Variants in SPATA7 observed in about 807,000 individuals in gnomAD.
SPATA7 encodes the protein spermatogenesis-associated protein 7.
A neutral mutation model predicts 51.8 loss-of-function variants in SPATA7; 43 were observed. The ratio of observed to expected loss-of-function variants is 0.83; its 90% confidence interval spans 0.65 to 1.07. The LOEUF is 1.07. Ranked by LOEUF, SPATA7 falls within the 50% of genes least tolerant of loss-of-function variation. The probability of loss-of-function intolerance (pLI) is 0.00; values close to 1 mark genes in which losing one functional copy is unlikely to be tolerated. For synonymous variants in SPATA7, 230 were observed against 252.8 expected, an observed-to-expected ratio of 0.91 and a Z score of 0.86; for missense variants, 683 against 701.3, an observed-to-expected ratio of 0.97 and a Z score of 0.30.
At chr14:88,416,938 C>A in intron 5 of SPATA7, 94 bp downstream of exon 5, 2 of 1,058,216 alleles carry the variant, frequency 1.9e-6, no homozygotes, top group Non-Finnish European at 2.8e-6. Context: ...TTAGGGTCAG[C>A]AAATTTTTCC....
intron 4 of SPATA7, among the ~76,000 whole-genome samples, chr14:88,413,915 GT>G (rs2139951179): frequency 6.6e-6 from 1 of 152,086 alleles, no homozygotes; most frequent in Non-Finnish European, 1.5e-5. Context: ...CTTGACTGTG[GT>G]TTATTAACTT....
chr14:88,452,553 A>G (rs1181293874), intron 3 of SPATA7, among the ~76,000 whole-genome samples: 1 of 152,044 alleles, frequency 6.6e-6, no homozygotes, highest in South Asian at 2.1e-4. Flanking sequence ...GCAGCAATCC[A>G]TCTCCTTCTG....
Position 88,447,802 on chromosome 14 carries a change from G to A in SPATA7, c.178-7258G>A, listed in dbSNP as rs564224825. 3.0e-3 allele frequency among the ~76,000 whole-genome samples: 455 copies of A among 152,216 alleles called. 3 individuals carry two copies. The highest frequency in any genetic ancestry group is 0.011 in the African/African-American group (436 of 41,518). The stretch of plus-strand genomic sequence containing the variant: ...GAAAATTCTTTTCTTTAAGAATGTC[G>A]AATATTGGCCCCCACTCTCTTCTGG... On this transcript the variant is annotated intron_variant, in intron 3 of 3. Coordinates refer to the SPATA7 transcript ENST00000554802.
At chr14:88,460,908 T>C (rs572454183) in intron 4 of SPATA7, among the ~76,000 whole-genome samples, 2 of 152,342 alleles carry the variant, frequency 1.3e-5, no homozygotes, top group African/African-American at 4.8e-5. Flanking sequence ...CCTTTCTGTT[T>C]GTTAGTTTTC....
intron 3 of SPATA7, among the ~76,000 whole-genome samples, chr14:88,453,339 C>T (rs1009530877): frequency 6.6e-6 from 1 of 152,178 alleles, no homozygotes; most frequent in African/African-American, 2.4e-5. Context: ...TGCTAAGCTA[C>T]ATGAAAATGT....
rs1399393635 is a variant in SPATA7 at position 88,464,098 on chromosome 14, C to CA, written c.255-5746dup. On this transcript the variant is annotated intron_variant, in intron 4 of 4. Transcript: ENST00000556406. ...TCGTGATCCACCCGCCTCGGCCTCC[C>CA]AAAGTGCTGGGATTTACAGGGGTGA... Among the ~76,000 whole-genome samples, 8 of 152,072 alleles carry CA rather than the reference C, an allele frequency of 5.3e-5. No homozygotes were observed. In the East Asian group the frequency reaches 1.6e-3, roughly 30 times the overall value.
chr14:88,411,043 C>T (rs1342611204), intron 4 of SPATA7, among the ~76,000 whole-genome samples: 1 of 152,212 alleles, frequency 6.6e-6, no homozygotes, highest in Admixed American at 6.5e-5. Context: ...AGGGAGGCTG[C>T]TGCCTTTCTT....
At chr14:88,423,509 TCAGGC>T (rs1325370254) in intron 5 of SPATA7, among the ~76,000 whole-genome samples, 1 of 150,876 alleles carries the variant, frequency 6.6e-6, no homozygotes, top group African/African-American at 2.4e-5. Context: ...TGAGCCATGA[TCAGGC>T]CACTGCACTC....
rs112807605 is a variant in SPATA7, at chr14:88,468,032, C to T, written c.255-1815C>T. ...CTGCGCCACTTACGTCCCAGTGCCA[C>T]GCTGCGTGGATCAAGTGTCAACGGG... On this transcript the variant is annotated intron_variant, in intron 4 of 4. Coordinates refer to the SPATA7 transcript ENST00000556406. 27 of 1,411,292 alleles carry T rather than the reference C, an allele frequency of 1.9e-5. No homozygotes were observed. In the East Asian group the frequency reaches 2.7e-4, roughly 14 times the overall value. The allele number at this position is 1,411,292 out of a possible 1,614,324, so 87.4% of individuals were successfully genotyped here. A position where few individuals can be genotyped will look rare whatever the true frequency, so the allele number is the denominator to read the frequency against.
chr14:88,407,814 T>C (rs962312571), intron 4 of SPATA7, among the ~76,000 whole-genome samples: 15 of 152,144 alleles, frequency 9.9e-5, no homozygotes, highest in Admixed American at 7.2e-4. Flanking sequence ...CCAGTTTCAG[T>C]TTTCTGCATA....
intron 3 of SPATA7, among the ~76,000 whole-genome samples, chr14:88,449,091 C>G (rs1450233864): frequency 1.3e-5 from 2 of 151,726 alleles, no homozygotes; most frequent in African/African-American, 2.4e-5. Flanking sequence ...TTAGTTATTT[C>G]TTTACTTCTG....
In SPATA7 at chr14:88,469,536, A is replaced by G. The variant is rs754771206; in HGVS notation, c.255-311A>G. The G allele has an allele frequency of 1.2e-6, 2 of 1,614,200 alleles. No homozygotes were observed. Among genetic ancestry groups the G allele is most frequent in the South Asian group, 2.2e-5 (2 of 91,086 alleles). ...TGAGGTCTTCTGGACAGCCATGTTC[A>G]GGCCAGTCTGTGTATTGGAGGTGCC... On this transcript the variant is annotated intron_variant, in intron 4 of 4. Transcript: ENST00000556406. The surrounding 1 kb of genome is among the most constrained non-coding windows in gnomAD (Gnocchi z 4.3).
chr14:88,408,935 G>A (rs1012672776), intron 4 of SPATA7, among the ~76,000 whole-genome samples: 3 of 152,182 alleles, frequency 2.0e-5, no homozygotes, highest in African/African-American at 7.2e-5. Context: ...TGTTGAAGCA[G>A]CCTTGCATCC....
downstream of SPATA7, among the ~76,000 whole-genome samples, chr14:88,457,625 G>A (rs182270777): frequency 6.6e-6 from 1 of 152,092 alleles, no homozygotes; most frequent in African/African-American, 2.4e-5. Flanking sequence ...GGAGATTTTG[G>A]GCTGAGACGA....
At chr14:88,454,387 A>G (rs2077270449) in intron 3 of SPATA7, among the ~76,000 whole-genome samples, 1 of 152,216 alleles carries the variant, frequency 6.6e-6, no homozygotes. Context: ...TGCTTCATTT[A>G]GTCACATCTG....
chr14:88,419,251 A>C (rs1361751203), intron 5 of SPATA7, among the ~76,000 whole-genome samples: 1 of 152,128 alleles, frequency 6.6e-6, no homozygotes, highest in African/African-American at 2.4e-5. Context: ...AGAGATACAG[A>C]ATACAGATTT....
At chr14:88,430,832 A>T (rs528729073) in intron 8 of SPATA7, among the ~76,000 whole-genome samples, 26 of 152,172 alleles carry the variant, frequency 1.7e-4, no homozygotes, top group Non-Finnish European at 3.1e-4. Context: ...AGAAGATTAA[A>T]TTAGATATGG....
intron 4 of SPATA7, among the ~76,000 whole-genome samples, chr14:88,397,115 C>T (rs986201264): frequency 2.0e-5 from 3 of 152,118 alleles, no homozygotes; most frequent in Admixed American, 2.0e-4. Context: ...GTCTCAAACT[C>T]CTGAGCTCAA....
At chr14:88,451,526 C>CTT (rs58581785) in intron 3 of SPATA7, among the ~76,000 whole-genome samples, 21 of 141,288 alleles carry the variant, frequency 1.5e-4, no homozygotes, top group East Asian at 4.1e-4. Flanking sequence ...TATCCTATAT[C>CTT]TTTTTTTTTT....
Sources: allele counts gnomAD v4.1 joint callset (sites outside exome capture counted in the v4.1 genomes callset), GRCh38; gene constraint gnomAD v4.1.1; non-coding constraint Gnocchi (gnomAD v3.1); transcripts MANE v1.5; gene names NCBI Gene and HGNC (gene_info 2026-07-23, HGNC 2026-07-21).